The following ELOVL6 variants were observed in gnomAD, a reference collection of about 807,000 sequenced individuals.
The protein encoded by ELOVL6 is ELOVL fatty acid elongase 6.
ELOVL6 carries 8 observed loss-of-function variants against 31.7 expected under a neutral mutation model. The observed-to-expected ratio is 0.25, with a 90% CI of 0.15 to 0.45. The LOEUF (loss-of-function observed/expected upper bound fraction) is 0.45, where lower values mean the gene tolerates loss of function less well. ELOVL6 is among the 20% of genes least tolerant of loss of function. ELOVL6 has a pLI of 1.00. For synonymous variants in ELOVL6, 101 were observed against 117.7 expected, an observed-to-expected ratio of 0.86 and a Z score of 0.92; for missense variants, 126 against 326.4, an observed-to-expected ratio of 0.39 and a Z score of 4.73.
intron 1 of ELOVL6, among the ~76,000 whole-genome samples, chr4:110,183,450 G>T (rs1352110088): frequency 2.6e-5 from 4 of 152,048 alleles, no homozygotes; most frequent in African/African-American, 9.7e-5. Context: ...CTATAAACCA[G>T]CCACCTTGTG....
At chr4:110,171,961 T>C (rs79545882) in intron 1 of ELOVL6, among the ~76,000 whole-genome samples, 4,895 of 152,164 alleles carry the variant, frequency 0.032, 293 homozygotes, top group African/African-American at 0.11. Context: ...GGTGCTGAGA[T>C]TTCAGTTGTG....
Position 110,112,994 on chromosome 4 carries a change from G to C in ELOVL6, c.90-7366C>G, listed in dbSNP as rs545340775. Among the ~76,000 whole-genome samples, 10 of 152,282 alleles carry C rather than the reference G, an allele frequency of 6.6e-5. No individual in the cohort carries two copies. The South Asian group carries it at 2.1e-3, about 32-fold the overall frequency. On this transcript the variant is annotated intron_variant, in intron 1 of 3. Transcript: ENST00000302274. ...AATCCCAGCACTTCGGGAGGCTGAGGCAGGCAGATCACGAGGTCAGGGGAT... is the reference window on the plus strand; with the variant it reads ...AATCCCAGCACTTCGGGAGGCTGAGCCAGGCAGATCACGAGGTCAGGGGAT...
At chr4:110,184,834 C>T (rs774227821) in intron 1 of ELOVL6, among the ~76,000 whole-genome samples, 8 of 152,144 alleles carry the variant, frequency 5.3e-5, no homozygotes, top group Non-Finnish European at 7.4e-5. Context: ...TCTGTAAAAT[C>T]GATGGTTTGA....
At chr4:110,178,208 A>G (rs1019382319) in intron 1 of ELOVL6, among the ~76,000 whole-genome samples, 4 of 152,190 alleles carry the variant, frequency 2.6e-5, no homozygotes, top group African/African-American at 9.7e-5. Flanking sequence ...CTTAAAAGTT[A>G]GGCTACAGAA....
intron 3 of ELOVL6, among the ~76,000 whole-genome samples, chr4:110,056,122 T>G (rs1176182301): frequency 9.7e-5 from 12 of 123,254 alleles, no homozygotes; most frequent in African/African-American, 1.6e-4. Context: ...TTGTGGGAGC[T>G]GGGGGGGGGG....
chr4:110,156,575 A>G (rs1481327339), intron 1 of ELOVL6, among the ~76,000 whole-genome samples: 2 of 152,048 alleles, frequency 1.3e-5, no homozygotes, highest in Non-Finnish European at 2.9e-5. Flanking sequence ...AGTCTCGACT[A>G]CTCAGAAGGC....
intron 1 of ELOVL6, among the ~76,000 whole-genome samples, chr4:110,197,697 G>A (rs577383805): frequency 1.1e-4 from 16 of 152,194 alleles, no homozygotes; most frequent in Non-Finnish European, 2.2e-4. Context: ...AGGAGCGGCA[G>A]ACAGAGGAGG....
chr4:110,170,276 T>C (rs983061753), intron 1 of ELOVL6, among the ~76,000 whole-genome samples: 37 of 152,248 alleles, frequency 2.4e-4, no homozygotes, highest in African/African-American at 8.9e-4. Context: ...ATAGGTTGTG[T>C]GCTGCCATTA....
intron 1 of ELOVL6, among the ~76,000 whole-genome samples, chr4:110,132,218 A>G (rs1427340925): frequency 6.6e-6 from 1 of 152,072 alleles, no homozygotes; most frequent in Non-Finnish European, 1.5e-5. Flanking sequence ...AATTTGTAGA[A>G]AGCCCGCTTG....
intron 2 of ELOVL6, among the ~76,000 whole-genome samples, chr4:110,087,804 T>TAAA (rs57115145): frequency 3.5e-5 from 5 of 142,644 alleles, no homozygotes; most frequent in African/African-American, 7.6e-5. Context: ...AATAAAATTG[T>TAAA]AAAAAAAAAA....
chr4:110,187,679 GGAAT>G (rs1452823229), intron 1 of ELOVL6, among the ~76,000 whole-genome samples: 1 of 148,264 alleles, frequency 6.7e-6, no homozygotes, highest in Non-Finnish European at 1.5e-5. Context: ...CTGGGTAACA[GGAAT>G]GAAACTCCAT....
chr4:110,152,045 A>T (rs950077349), intron 1 of ELOVL6, among the ~76,000 whole-genome samples: 3 of 152,210 alleles, frequency 2.0e-5, no homozygotes, highest in African/African-American at 7.2e-5. Flanking sequence ...AATAAAAGGG[A>T]GTTTAATACA....
intron 1 of ELOVL6, among the ~76,000 whole-genome samples, chr4:110,177,409 CCTG>C (rs1759140860): frequency 6.6e-6 from 1 of 151,882 alleles, no homozygotes; most frequent in African/African-American, 2.4e-5. Context: ...TGCACGCCAG[CCTG>C]GCTGACAGAG....
chr4:110,089,631 T>G (rs1486592484), intron 2 of ELOVL6, among the ~76,000 whole-genome samples: 2 of 152,212 alleles, frequency 1.3e-5, no homozygotes, highest in African/African-American at 4.8e-5. Flanking sequence ...ATTTTTGAGA[T>G]GCAGGCAGAA....
Position 110,198,479 on chromosome 4 carries a change from C to G in ELOVL6, c.-144G>C. 1.7e-6 allele frequency: 1 copy of G among 602,958 alleles called. No homozygotes were observed. The highest frequency in any genetic ancestry group is 3.0e-6 in the Non-Finnish European group (1 of 338,878). 37.4% of individuals were successfully genotyped at this position (602,958 alleles called of 1,614,324 possible). The stretch of plus-strand genomic sequence containing the variant: ...ACGCCGCTCGGTCTCCAGCGGTCGT[C>G]TCTTCTCCCAGCCTCTCAGCTACAT... On this transcript the variant is annotated 5_prime_UTR_variant, in exon 1 of 4. Coordinates refer to ENST00000302274, the MANE Select transcript of ELOVL6 (RefSeq NM_024090.3).
At chr4:110,084,116 A>T (rs1420035794) in intron 2 of ELOVL6, among the ~76,000 whole-genome samples, 4 of 85,776 alleles carry the variant, frequency 4.7e-5, no homozygotes, top group Non-Finnish European at 8.2e-5. Context: ...TATATGATAT[A>T]TATAACATAT....
intron 2 of ELOVL6, among the ~76,000 whole-genome samples, chr4:110,077,258 C>T (rs991484925): frequency 3.3e-5 from 5 of 152,206 alleles, no homozygotes; most frequent in Non-Finnish European, 4.4e-5. Flanking sequence ...TCCCAGCACG[C>T]AGCTGGAGAT....
intron 1 of ELOVL6, among the ~76,000 whole-genome samples, chr4:110,184,083 G>A (rs1006540349): frequency 2.0e-5 from 3 of 152,162 alleles, no homozygotes; most frequent in Non-Finnish European, 4.4e-5. Context: ...ATCCCCAACA[G>A]TTAGCATGGA....
chr4:110,087,264 A>G (rs1206482625), intron 2 of ELOVL6, among the ~76,000 whole-genome samples: 1 of 151,524 alleles, frequency 6.6e-6, no homozygotes, highest in East Asian at 1.9e-4. Context: ...GAAACCCTCA[A>G]CTCTGTATTA....
Sources: gnomAD v4.1 joint callset for allele counts (sites outside exome capture counted in the v4.1 genomes callset) on GRCh38, gnomAD v4.1.1 for gene constraint, MANE v1.5 for transcripts, NCBI Gene and HGNC (gene_info 2026-07-23, HGNC 2026-07-21) for gene names.